Variants in PLEKHM3 observed in about 807,000 individuals in gnomAD.
PLEKHM3 encodes the protein pleckstrin homology domain containing M3.
In PLEKHM3, 45 loss-of-function variants were observed where a neutral mutation model predicts 81.8. The observed-to-expected ratio is 0.55, with a 90% CI of 0.43 to 0.71. The LOEUF is 0.71. Ranked by LOEUF, PLEKHM3 falls within the 30% of genes least tolerant of loss-of-function variation. The probability of loss-of-function intolerance (pLI) is 0.00; values close to 1 mark genes in which losing one functional copy is unlikely to be tolerated. For synonymous variants in PLEKHM3, 352 were observed against 356.4 expected (o/e 0.99, Z 0.14); for missense variants, 788 against 924.3 (o/e 0.85, Z 1.91).
chr2:207,906,116 T>C (rs1688595076), intron 6 of PLEKHM3, among the ~76,000 whole-genome samples: 1 of 152,242 alleles, frequency 6.6e-6, no homozygotes, highest in Non-Finnish European at 1.5e-5. Flanking sequence ...GTACTCACTT[T>C]GGAGCCCACC....
intron 1 of PLEKHM3, among the ~76,000 whole-genome samples, chr2:208,024,339 A>G (rs896432671): frequency 6.6e-6 from 1 of 152,186 alleles, no homozygotes; most frequent in African/African-American, 2.4e-5. Flanking sequence ...AGTTTTTGCT[A>G]TAAACCATGA....
chr2:208,000,489 C>T (rs1692259832), intron 2 of PLEKHM3, among the ~76,000 whole-genome samples: 1 of 152,068 alleles, frequency 6.6e-6, no homozygotes, highest in Non-Finnish European at 1.5e-5. Flanking sequence ...AAATGAAAGC[C>T]CCTCCCACAA....
intron 4 of PLEKHM3, among the ~76,000 whole-genome samples, chr2:207,933,451 A>C (rs1395604500): frequency 6.6e-6 from 1 of 152,344 alleles, no homozygotes; most frequent in East Asian, 1.9e-4. Context: ...ATGAAGTACA[A>C]CCCACTTGAA....
chr2:207,867,521 A>C lies in PLEKHM3; in HGVS notation c.1951-6259T>G, dbSNP rs540361732. Reference sequence around the variant, plus strand: ...GAATACAACTATTAGAAGCACTAGGAACAGAATCCGGCCATCCTAGCATCT... The same window carrying C: ...GAATACAACTATTAGAAGCACTAGGCACAGAATCCGGCCATCCTAGCATCT... On this transcript the variant is annotated intron_variant, in intron 6 of 7. Coordinates refer to ENST00000427836, the MANE Select transcript of PLEKHM3 (RefSeq NM_001080475.3). Among the ~76,000 whole-genome samples the C allele has an allele frequency of 8.7e-4, 133 of 152,284 alleles. 3 individuals are homozygous for C. The South Asian group carries it at 0.015, about 17-fold the overall frequency.
intron 2 of PLEKHM3, among the ~76,000 whole-genome samples, chr2:207,992,356 C>T (rs2106071528): frequency 6.6e-6 from 1 of 152,236 alleles, no homozygotes; most frequent in Non-Finnish European, 1.5e-5. Context: ...TGAGTATTAA[C>T]TAAGATAATG....
chr2:207,866,538 C>T (rs761658370), intron 6 of PLEKHM3, among the ~76,000 whole-genome samples: 1 of 152,222 alleles, frequency 6.6e-6, no homozygotes, highest in Non-Finnish European at 1.5e-5. Flanking sequence ...CCCAGACACT[C>T]AATGTAGAGT....
chr2:207,874,475 G>A (rs2092550845), intron 6 of PLEKHM3, among the ~76,000 whole-genome samples: 1 of 152,052 alleles, frequency 6.6e-6, no homozygotes, highest in African/African-American at 2.4e-5. Context: ...TTGGGAGGCT[G>A]AGGCAGGAGA....
At position 207,826,225 on chromosome 2, in the gene PLEKHM3, G is replaced by A. The variant is rs979552789; in HGVS notation, c.*2094C>T. On this transcript the variant is annotated 3_prime_UTR_variant, in exon 8 of 8. Coordinates refer to ENST00000427836, the MANE Select transcript of PLEKHM3 (RefSeq NM_001080475.3). The stretch of plus-strand genomic sequence containing the variant: ...AGCACATCTGTTTTATAATAAGCAG[G>A]TCTATAATTCTCTTGTGAAAGATCA... 6.6e-6 allele frequency: 1 copy of A among 152,196 alleles called. No individual in the cohort carries two copies. Among genetic ancestry groups the A allele is most frequent in the Non-Finnish European group, 1.5e-5 (1 of 68,050 alleles). 9.4% of individuals were successfully genotyped at this position (152,196 alleles called of 1,614,324 possible). A position where few individuals can be genotyped will look rare whatever the true frequency, so the allele number is the denominator to read the frequency against.
chr2:207,976,904 C>T lies in PLEKHM3; in HGVS notation c.1293G>A (p.Gln431=). 1 of 1,614,252 alleles carries T rather than the reference C, an allele frequency of 6.2e-7. No homozygotes were observed. Among genetic ancestry groups the T allele is most frequent in the East Asian group, 2.2e-5 (1 of 44,890 alleles). ...TCTCAGCTCGGAGGCGAAGGACATC[C>T]TGGGGGAAAATGACTTGAAAGCAAG... ...CDSCFQVIFP[Q]DVLRLRAETR... Residue 431 remains glutamine (Q), a synonymous_variant, in exon 3 of 8, where the codon CAG becomes CAA. Transcript: ENST00000427836. The surrounding 1 kb of genome is among the most constrained non-coding windows in gnomAD (Gnocchi z 4.1).
chr2:207,901,413 A>G (rs1235511934), intron 6 of PLEKHM3: 2 of 696,756 alleles, frequency 2.9e-6, no homozygotes, highest in Non-Finnish European at 5.2e-6. Flanking sequence ...CCAAAACACC[A>G]GAAAACTAGT....
At chr2:207,911,113 T>C (rs145048979) in intron 5 of PLEKHM3, among the ~76,000 whole-genome samples, 1 of 152,032 alleles carries the variant, frequency 6.6e-6, no homozygotes, top group Non-Finnish European at 1.5e-5. Context: ...CCAGGGCACT[T>C]CTGATGGGAG....
intron 1 of PLEKHM3, among the ~76,000 whole-genome samples, chr2:208,016,172 C>T (rs192963504): frequency 6.6e-6 from 1 of 151,678 alleles, no homozygotes; most frequent in African/African-American, 2.4e-5. Context: ...CCAGCCTGGG[C>T]GACAGAGAGA....
chr2:207,866,264 T>A (rs1238429159), intron 6 of PLEKHM3, among the ~76,000 whole-genome samples: 2 of 152,132 alleles, frequency 1.3e-5, no homozygotes, highest in Non-Finnish European at 2.9e-5. Flanking sequence ...CAAGCGATTC[T>A]CCTGCCTCAG....
At chr2:207,954,656 C>T (rs1008207992) in intron 3 of PLEKHM3, among the ~76,000 whole-genome samples, 64 of 152,322 alleles carry the variant, frequency 4.2e-4, no homozygotes, top group African/African-American at 1.5e-3. Context: ...TAAAGCAATT[C>T]TATAAGCTAT....
intron 7 of PLEKHM3, among the ~76,000 whole-genome samples, chr2:207,855,344 A>G (rs575607596): frequency 6.6e-5 from 10 of 152,340 alleles, no homozygotes; most frequent in African/African-American, 2.2e-4. Context: ...AATAAAATAT[A>G]GTACTGGGCT....
chr2:207,962,499 A>G (rs1035758785), intron 3 of PLEKHM3, among the ~76,000 whole-genome samples: 5 of 152,124 alleles, frequency 3.3e-5, no homozygotes, highest in African/African-American at 9.7e-5. Flanking sequence ...TATGTATAGC[A>G]TTTTCCTGAG....
chr2:207,943,851 G>A (rs190520878), intron 4 of PLEKHM3, among the ~76,000 whole-genome samples: 1 of 114,638 alleles, frequency 8.7e-6, no homozygotes, highest in Non-Finnish European at 1.6e-5. Flanking sequence ...CTGGGCGACA[G>A]AGCGAGACTC....
chr2:208,000,864 T>C (rs1362767422), intron 2 of PLEKHM3, among the ~76,000 whole-genome samples, 166 bp downstream of exon 2: 2 of 151,914 alleles, frequency 1.3e-5, no homozygotes, highest in South Asian at 4.1e-4. Flanking sequence ...GCAAGGCAGA[T>C]GTGGATGCTG....
At chr2:207,868,401 C>T (rs1376950711) in intron 6 of PLEKHM3, among the ~76,000 whole-genome samples, 1 of 152,032 alleles carries the variant, frequency 6.6e-6, no homozygotes, top group Non-Finnish European at 1.5e-5. Flanking sequence ...GCTTTCCATA[C>T]CCCATCATAA....
Sources: allele counts gnomAD v4.1 joint callset (sites outside exome capture counted in the v4.1 genomes callset), GRCh38; gene constraint gnomAD v4.1.1; non-coding constraint Gnocchi (gnomAD v3.1); transcripts MANE v1.5; gene names NCBI Gene and HGNC (gene_info 2026-07-23, HGNC 2026-07-21).